Variants in C10orf90 observed in about 807,000 individuals in gnomAD.
C10orf90 encodes (E2-independent) E3 ubiquitin-conjugating enzyme FATS.
A neutral mutation model predicts 62.5 loss-of-function variants in C10orf90; 56 were observed. The ratio of observed to expected loss-of-function variants is 0.90; its 90% CI spans 0.72 to 1.12. The LOEUF is 1.12. Among genes scored for constraint, C10orf90 ranks in the 50% most tolerant of loss-of-function variants. C10orf90 has a pLI of 0.00. For synonymous variants in C10orf90, 386 were observed against 340.4 expected, an observed-to-expected ratio of 1.13 and a Z score of -1.47; for missense variants, 970 against 880.4, an observed-to-expected ratio of 1.10 and a Z score of -1.29.
intron 4 of C10orf90, among the ~76,000 whole-genome samples, chr10:126,487,162 A>G (rs1254853842): frequency 3.3e-5 from 5 of 150,138 alleles, no homozygotes; most frequent in African/African-American, 1.2e-4. Flanking sequence ...AAAAAAAAAA[A>G]AAAAAAGAAA....
intron 8 of C10orf90, 27 bp downstream of exon 8, chr10:126,429,760 T>A: frequency 2.5e-6 from 4 of 1,610,282 alleles, no homozygotes; most frequent in Non-Finnish European, 3.4e-6. Context: ...CACCAACTTC[T>A]TTGCACACCA....
At chr10:126,491,984 TGAA>T (rs1317440992) in intron 4 of C10orf90, among the ~76,000 whole-genome samples, 1 of 152,122 alleles carries the variant, frequency 6.6e-6, no homozygotes, top group Non-Finnish European at 1.5e-5. Flanking sequence ...GGGGAAAAGA[TGAA>T]GAAGAAATCT....
At chr10:126,526,218 G>A (rs185809724) in intron 2 of C10orf90, among the ~76,000 whole-genome samples, 2 of 151,248 alleles carry the variant, frequency 1.3e-5, no homozygotes, top group East Asian at 1.9e-4. Context: ...GATGGCCTGA[G>A]ATGATCTCTT....
In C10orf90 at chr10:126,554,252, G is replaced by A. The variant is rs117714786; in HGVS notation, c.314-40313C>T. Reference sequence around the variant, plus strand: ...GGGTGAATCTGAGACATAATGTCAAGCAAAAGAAGCCAGACCCCAGAGCAT... The same window carrying A: ...GGGTGAATCTGAGACATAATGTCAAACAAAAGAAGCCAGACCCCAGAGCAT... On this transcript the variant is annotated intron_variant, in intron 2 of 9. Coordinates refer to ENST00000488181, the MANE Select transcript of C10orf90 (RefSeq NM_001350921.2). 4.7e-3 allele frequency among the ~76,000 whole-genome samples: 721 copies of A among 152,270 alleles called. 4 individuals are homozygous for A. The highest frequency in any genetic ancestry group is 9.1e-3 in the Non-Finnish European group (618 of 68,034).
At chr10:126,646,901 C>T (rs1440681108) in intron 1 of C10orf90, among the ~76,000 whole-genome samples, 1 of 152,138 alleles carries the variant, frequency 6.6e-6, no homozygotes, top group Non-Finnish European at 1.5e-5. Context: ...ATTCAGCCAA[C>T]ATTGATTTTG....
chr10:126,535,385 C>T (rs992186392), intron 2 of C10orf90, among the ~76,000 whole-genome samples: 3 of 151,860 alleles, frequency 2.0e-5, no homozygotes, highest in Admixed American at 6.6e-5. Flanking sequence ...GGTGTGGTGG[C>T]GGGTGCCTGT....
Position 126,669,479 on chromosome 10 carries a change from T to G in C10orf90, c.240+762A>C, listed in dbSNP as rs532547607. 3.3e-5 allele frequency among the ~76,000 whole-genome samples: 5 copies of G among 152,348 alleles called. No homozygotes were observed. The South Asian group carries it at 1.0e-3, about 32-fold the overall frequency. On this transcript the variant is annotated intron_variant, in intron 1 of 9. Coordinates refer to ENST00000488181, the MANE Select transcript of C10orf90 (RefSeq NM_001350921.2). ...AGGCATTAGCAATTTGCATGTTACA[T>G]CTATCAAAAGAGATGGGTAAATGAG...
chr10:126,485,188 A>G (rs757120582), intron 4 of C10orf90, among the ~76,000 whole-genome samples: 42 of 152,194 alleles, frequency 2.8e-4, no homozygotes, highest in Non-Finnish European at 4.7e-4. Flanking sequence ...CTCACTTTCT[A>G]CAATGTGAGG....
chr10:126,468,638 C>T (rs1860414975), intron 4 of C10orf90, among the ~76,000 whole-genome samples: 1 of 152,170 alleles, frequency 6.6e-6, no homozygotes, highest in Non-Finnish European at 1.5e-5. Context: ...CCTGACCTCA[C>T]CAAGTTCAAC....
At chr10:126,448,103 C>T (rs1222797597) in intron 7 of C10orf90, among the ~76,000 whole-genome samples, 3 of 146,856 alleles carry the variant, frequency 2.0e-5, no homozygotes, top group South Asian at 2.1e-4. Flanking sequence ...ATCTCTTGAC[C>T]TCATGATCCC....
intron 1 of C10orf90, among the ~76,000 whole-genome samples, chr10:126,663,237 T>A (rs1846553728): frequency 6.6e-6 from 1 of 152,194 alleles, no homozygotes; most frequent in African/African-American, 2.4e-5. Flanking sequence ...TAGAGGGGCA[T>A]GATAACTGCT....
intron 4 of C10orf90, chr10:126,502,834 T>C (rs1289797441): frequency 3.8e-6 from 2 of 527,402 alleles, no homozygotes; most frequent in African/African-American, 3.9e-5. Flanking sequence ...TTGTAATAAG[T>C]CTGTAAGACA....
intron 2 of C10orf90, among the ~76,000 whole-genome samples, chr10:126,578,825 A>G (rs1844680320): frequency 6.6e-6 from 1 of 152,206 alleles, no homozygotes; most frequent in African/African-American, 2.4e-5. Context: ...AAGAGGTCAA[A>G]CACAAAAAAA....
chr10:126,515,997 C>T (rs1389185211), intron 2 of C10orf90, among the ~76,000 whole-genome samples: 4 of 152,190 alleles, frequency 2.6e-5, no homozygotes, highest in Non-Finnish European at 5.9e-5. Flanking sequence ...AGAGATGATG[C>T]ATCATGATGA....
intron 2 of C10orf90, among the ~76,000 whole-genome samples, chr10:126,519,186 T>C (rs1863610189): frequency 6.6e-6 from 1 of 152,092 alleles, no homozygotes; most frequent in African/African-American, 2.4e-5. Flanking sequence ...TGGAGAGGGA[T>C]GGTGGCATAG....
intron 2 of C10orf90, chr10:126,521,615 G>A: frequency 2.1e-6 from 1 of 485,328 alleles, no homozygotes; most frequent in Non-Finnish European, 3.3e-6. Flanking sequence ...CTTCTTTGAT[G>A]AGTAAAACAA....
At chr10:126,642,509 G>A (rs1011000422) in intron 2 of C10orf90, among the ~76,000 whole-genome samples, 1 of 151,994 alleles carries the variant, frequency 6.6e-6, no homozygotes, top group Non-Finnish European at 1.5e-5. Context: ...TCCAGCCTGG[G>A]CGACAGAGCG....
chr10:126,557,080 G>A lies in C10orf90; in HGVS notation c.314-43141C>T, dbSNP rs202009152. Among the ~76,000 whole-genome samples, 259 of 150,662 alleles carry A rather than the reference G, an allele frequency of 1.7e-3. 1 individual carries two copies. The highest frequency in any genetic ancestry group is 2.9e-3 in the Non-Finnish European group (198 of 67,854). ...AACCTAATAGGAACTATGTTAGAAT[G>A]ATGGTCTCAGGTGATGAGTCTCTGA... On this transcript the variant is annotated intron_variant, in intron 2 of 9. Transcript: ENST00000488181.
At chr10:126,465,998 A>G (rs923705501) in intron 4 of C10orf90, among the ~76,000 whole-genome samples, 2 of 151,996 alleles carry the variant, frequency 1.3e-5, no homozygotes, top group South Asian at 2.1e-4. Flanking sequence ...TGGGAGTGGA[A>G]GACAGGCTTT....
Sources: gnomAD v4.1 joint callset for allele counts (sites outside exome capture counted in the v4.1 genomes callset) on GRCh38, gnomAD v4.1.1 for gene constraint, MANE v1.5 for transcripts, NCBI Gene and HGNC (gene_info 2026-07-23, HGNC 2026-07-21) for gene names.